CDH12: variants seen among roughly 807,000 people sequenced by gnomAD.
CDH12 encodes cadherin-12.
Under a neutral mutation model 74.1 loss-of-function variants are expected in CDH12, and 41 were observed. The observed-to-expected ratio is 0.55, with a 90% CI of 0.43 to 0.72. The LOEUF is 0.72. Among genes scored for constraint, CDH12 ranks in the 30% least tolerant of loss-of-function variants. CDH12 has a pLI of 0.00. For synonymous variants in CDH12, 399 were observed against 355.0 expected, an observed-to-expected ratio of 1.12 and a Z score of -1.39; for missense variants, 945 against 977.2, an observed-to-expected ratio of 0.97 and a Z score of 0.44.
intron 3 of CDH12, among the ~76,000 whole-genome samples, chr5:22,393,483 A>G (rs886147904): frequency 1.3e-5 from 2 of 152,166 alleles, no homozygotes; most frequent in African/African-American, 4.8e-5. Flanking sequence ...GCTAATGAAG[A>G]TATTGGCATC....
chr5:22,608,488 G>T (rs1222009048), intron 1 of CDH12, among the ~76,000 whole-genome samples: 1 of 152,116 alleles, frequency 6.6e-6, no homozygotes, highest in Non-Finnish European at 1.5e-5. Context: ...GAAGGGACTT[G>T]CCTTGTCTCA....
At chr5:21,872,696 G>GTGAC (rs920328928) in intron 6 of CDH12, among the ~76,000 whole-genome samples, 14 of 152,048 alleles carry the variant, frequency 9.2e-5, no homozygotes, top group African/African-American at 2.9e-4. Context: ...ACCAGTTCCT[G>GTGAC]TGACTAATTA....
chr5:22,688,607 A>C (rs1741930771), intron 1 of CDH12, among the ~76,000 whole-genome samples: 1 of 152,172 alleles, frequency 6.6e-6, no homozygotes, highest in South Asian at 2.1e-4. Context: ...TCTCATCATT[A>C]CAAGTCAGAG....
intron 3 of CDH12, among the ~76,000 whole-genome samples, chr5:22,343,017 G>T (rs1377274766): frequency 2.0e-5 from 3 of 151,772 alleles, no homozygotes; most frequent in East Asian, 3.9e-4. Flanking sequence ...ATCATGCCTG[G>T]CTAATTTTTG....
At chr5:21,823,016 G>A (rs531043492) in intron 8 of CDH12, among the ~76,000 whole-genome samples, 22 of 151,888 alleles carry the variant, frequency 1.4e-4, no homozygotes, top group Middle Eastern at 6.3e-3. Flanking sequence ...TTAATTTTCC[G>A]GTATCTCAGA....
At chr5:22,184,269 T>C (rs1749807531) in intron 4 of CDH12, among the ~76,000 whole-genome samples, 1 of 152,160 alleles carries the variant, frequency 6.6e-6, no homozygotes, top group Non-Finnish European at 1.5e-5. Context: ...GAGTCCTAGA[T>C]TGGAAGTAGT....
intron 5 of CDH12, among the ~76,000 whole-genome samples, chr5:22,059,387 C>CTATG (rs1464175791): frequency 3.0e-5 from 2 of 67,212 alleles, no homozygotes; most frequent in African/African-American, 3.2e-4. Context: ...ATCTATCTAT[C>CTATG]TATCTATGTA....
chr5:22,051,402 A>T (rs1740357176), intron 5 of CDH12, among the ~76,000 whole-genome samples: 1 of 152,184 alleles, frequency 6.6e-6, no homozygotes, highest in South Asian at 2.1e-4. Flanking sequence ...AATTCTATAC[A>T]TAATTTTTAA....
At chr5:21,931,245 T>C (rs1045483164) in intron 6 of CDH12, among the ~76,000 whole-genome samples, 2 of 151,848 alleles carry the variant, frequency 1.3e-5, no homozygotes, top group African/African-American at 4.8e-5. Flanking sequence ...AAAGTTGTGA[T>C]AGAGGAAAAA....
intron 1 of CDH12, among the ~76,000 whole-genome samples, chr5:22,713,915 T>C (rs1273594406): frequency 1.3e-5 from 2 of 152,212 alleles, no homozygotes; most frequent in Non-Finnish European, 2.9e-5. Flanking sequence ...TTATACTATA[T>C]TCCCATCCTC....
At chr5:21,850,927 G>C (rs34011507) in intron 7 of CDH12, among the ~76,000 whole-genome samples, 9,370 of 151,212 alleles carry the variant, frequency 0.062, 359 homozygotes, top group East Asian at 0.14. Flanking sequence ...TAAATTAAGA[G>C]ATACGGAGAG....
At chr5:22,033,234 T>C (rs1580143897) in intron 5 of CDH12, among the ~76,000 whole-genome samples, 1 of 152,192 alleles carries the variant, frequency 6.6e-6, no homozygotes, top group East Asian at 1.9e-4. Context: ...AATTTTCTCA[T>C]TATGTAGTCT....
At chr5:22,554,221 T>C (rs1738697548) in intron 1 of CDH12, among the ~76,000 whole-genome samples, 1 of 152,160 alleles carries the variant, frequency 6.6e-6, no homozygotes, top group Non-Finnish European at 1.5e-5. Context: ...TGTATGATAC[T>C]ATAATGGTGA....
chr5:21,866,148 T>C (rs1448300821), intron 6 of CDH12, among the ~76,000 whole-genome samples: 1 of 152,192 alleles, frequency 6.6e-6, no homozygotes, highest in African/African-American at 2.4e-5. Flanking sequence ...GAACTGTGAG[T>C]CCATTACATC....
At chr5:22,133,629 T>C (rs1386327521) in intron 4 of CDH12, among the ~76,000 whole-genome samples, 1 of 152,126 alleles carries the variant, frequency 6.6e-6, no homozygotes, top group Non-Finnish European at 1.5e-5. Flanking sequence ...TCAGAACCAC[T>C]GCAATTTCTC....
intron 1 of CDH12, among the ~76,000 whole-genome samples, chr5:22,742,779 T>C (rs1199569571): frequency 6.6e-6 from 1 of 150,934 alleles, no homozygotes; most frequent in Non-Finnish European, 1.5e-5. Flanking sequence ...TAAACACATA[T>C]ATATATTCAT....
At chr5:22,760,678 C>CAAAAAAAAAAAAAAAAAAAAA (rs11284255) in intron 1 of CDH12, among the ~76,000 whole-genome samples, 1 of 63,434 alleles carries the variant, frequency 1.6e-5, no homozygotes, top group Non-Finnish European at 2.8e-5. Flanking sequence ...GACTCCGTCT[C>CAAAAAAAAAAAAAAAAAAAAA]AAAAAAAAAA....
chr5:22,049,353 T>C (rs1321324947), intron 5 of CDH12, among the ~76,000 whole-genome samples: 2 of 152,138 alleles, frequency 1.3e-5, no homozygotes, highest in Admixed American at 1.3e-4. Flanking sequence ...TGATCATGAG[T>C]CCGCTTCCTT....
chr5:21,889,243 C>T (rs934148375), intron 6 of CDH12, among the ~76,000 whole-genome samples: 1 of 152,078 alleles, frequency 6.6e-6, no homozygotes, highest in Non-Finnish European at 1.5e-5. Flanking sequence ...TGTTTACTAT[C>T]TTAATTTCCA....
Sources: gnomAD v4.1 joint callset for allele counts (sites outside exome capture counted in the v4.1 genomes callset) on GRCh38, gnomAD v4.1.1 for gene constraint, MANE v1.5 for transcripts, NCBI Gene and HGNC (gene_info 2026-07-23, HGNC 2026-07-21) for gene names.